SCHIP1: variants seen among roughly 807,000 people sequenced by gnomAD.
SCHIP1 encodes schwannomin-interacting protein 1.
SCHIP1 carries 8 observed loss-of-function variants against 29.7 expected under a neutral mutation model. That is an observed-to-expected ratio of 0.27 (90% CI 0.16 to 0.49). The LOEUF (loss-of-function observed/expected upper bound fraction) is 0.49, where lower values mean the gene tolerates loss of function less well. SCHIP1 is among the 20% of genes least tolerant of loss of function. SCHIP1 has a pLI of 0.99. For synonymous variants in SCHIP1, 76 were observed against 94.9 expected, an observed-to-expected ratio of 0.80 and a Z score of 1.16; for missense variants, 193 against 294.6, an observed-to-expected ratio of 0.66 and a Z score of 2.52.
chr3:159,540,223 GTT>G, the SCHIP1 span, among the ~76,000 whole-genome samples: 1 of 152,004 alleles, frequency 6.6e-6, no homozygotes, highest in South Asian at 2.1e-4. Context: ...TAGGCCTGAT[GTT>G]TTTTAAAAAA....
the SCHIP1 span, among the ~76,000 whole-genome samples, chr3:159,306,868 A>G: frequency 1.3e-5 from 2 of 152,212 alleles, no homozygotes; most frequent in African/African-American, 2.4e-5. Context: ...TATACCTTCA[A>G]TGAAAGTCCC....
At chr3:159,702,724 T>TGA in the SCHIP1 span, among the ~76,000 whole-genome samples, 1 of 152,224 alleles carries the variant, frequency 6.6e-6, no homozygotes, top group African/African-American at 2.4e-5. Context: ...AGAAAATGAG[T>TGA]GAAGCATTTG....
At chr3:159,394,299 C>T in the SCHIP1 span, among the ~76,000 whole-genome samples, 1 of 151,806 alleles carries the variant, frequency 6.6e-6, no homozygotes, top group Non-Finnish European at 1.5e-5. Context: ...AACTAAATAC[C>T]CTTTATTTCC....
At chr3:159,662,124 T>C in the SCHIP1 span, among the ~76,000 whole-genome samples, 19,295 of 152,082 alleles carry the variant, frequency 0.13, 3,424 homozygotes, top group African/African-American at 0.4. Context: ...CAGTCTTCCC[T>C]GCCAAACTGC....
the SCHIP1 span, among the ~76,000 whole-genome samples, chr3:159,818,911 G>T: frequency 2.0e-5 from 3 of 152,162 alleles, no homozygotes; most frequent in Admixed American, 6.5e-5. Context: ...GTGTATTGCT[G>T]TATAAATAAT....
chr3:159,542,902 A>G, the SCHIP1 span, among the ~76,000 whole-genome samples: 2 of 152,080 alleles, frequency 1.3e-5, no homozygotes, highest in Non-Finnish European at 2.9e-5. Flanking sequence ...CTGCATCAAA[A>G]TTAATAAAAG....
the SCHIP1 span, among the ~76,000 whole-genome samples, chr3:159,409,908 G>A: frequency 1.2e-4 from 19 of 152,068 alleles, no homozygotes; most frequent in African/African-American, 4.1e-4. Flanking sequence ...AAACAGCATG[G>A]CACTGGCATA....
chr3:159,377,701 A>G, the SCHIP1 span, among the ~76,000 whole-genome samples: 1 of 152,206 alleles, frequency 6.6e-6, no homozygotes, highest in Non-Finnish European at 1.5e-5. Context: ...TGCAAAATTA[A>G]TTTCATATTT....
the SCHIP1 span, among the ~76,000 whole-genome samples, chr3:159,793,655 T>A: frequency 1.3e-5 from 2 of 152,092 alleles, no homozygotes; most frequent in East Asian, 3.9e-4. Context: ...CCTCCCGGGT[T>A]CAAGTGATTC....
the SCHIP1 span, among the ~76,000 whole-genome samples, chr3:159,445,109 G>A: frequency 1.3e-5 from 2 of 151,830 alleles, no homozygotes; most frequent in African/African-American, 2.4e-5. Flanking sequence ...ATGGGAGAAA[G>A]TTTTCGCAAC....
intron 6 of SCHIP1, chr3:159,894,133 A>T (rs1041221600): frequency 6.6e-5 from 10 of 152,248 alleles, no homozygotes; most frequent in Admixed American, 1.3e-4. Flanking sequence ...CCTGGATCCT[A>T]CCCCAGATAT....
At chr3:159,424,951 A>C in the SCHIP1 span, among the ~76,000 whole-genome samples, 1 of 152,122 alleles carries the variant, frequency 6.6e-6, no homozygotes, top group African/African-American at 2.4e-5. Flanking sequence ...AAGCTTCATA[A>C]GTGAAGGAGA....
chr3:159,720,391 T>A, the SCHIP1 span, among the ~76,000 whole-genome samples: 1 of 151,704 alleles, frequency 6.6e-6, no homozygotes, highest in Non-Finnish European at 1.5e-5. Flanking sequence ...TAAAAAAAAA[T>A]TAAAAATAAA....
chr3:159,478,466 C>A, the SCHIP1 span, among the ~76,000 whole-genome samples: 1 of 152,092 alleles, frequency 6.6e-6, no homozygotes, highest in Non-Finnish European at 1.5e-5. Flanking sequence ...CAGTACCATG[C>A]TGTTTTGATT....
intron 1 of SCHIP1, chr3:159,840,273 T>C: frequency 7.1e-6 from 10 of 1,405,088 alleles, no homozygotes; most frequent in South Asian, 1.2e-5. Context: ...GCCTTCCTCT[T>C]CCAAAGCAGC....
the SCHIP1 span, among the ~76,000 whole-genome samples, chr3:159,389,395 G>GTGTT: frequency 6.6e-6 from 1 of 152,116 alleles, no homozygotes; most frequent in East Asian, 1.9e-4. Flanking sequence ...AGAATATGAA[G>GTGTT]TGTTAGCAAG....
At chr3:159,552,032 CTTTTTT>C in the SCHIP1 span, among the ~76,000 whole-genome samples, 2 of 103,566 alleles carry the variant, frequency 1.9e-5, no homozygotes, top group South Asian at 3.2e-4. Flanking sequence ...TGCCACATTG[CTTTTTT>C]TTTTTTTTTT....
the SCHIP1 span, among the ~76,000 whole-genome samples, chr3:159,426,893 T>C: frequency 6.6e-6 from 1 of 152,122 alleles, no homozygotes; most frequent in Non-Finnish European, 1.5e-5. Context: ...CGCAAACCAA[T>C]AAATGTAATC....
chr3:159,476,405 CA>C, the SCHIP1 span, among the ~76,000 whole-genome samples: 3 of 152,104 alleles, frequency 2.0e-5, no homozygotes, highest in African/African-American at 4.8e-5. Context: ...TTAAATTCTT[CA>C]ACTTCAGATT....
Sources: gnomAD v4.1 joint callset for allele counts (sites outside exome capture counted in the v4.1 genomes callset) on GRCh38, gnomAD v4.1.1 for gene constraint, MANE v1.5 for transcripts, NCBI Gene and HGNC (gene_info 2026-07-23, HGNC 2026-07-21) for gene names.